LRRC8C: variants seen among roughly 807,000 people sequenced by gnomAD.
LRRC8C encodes leucine rich repeat containing 8 VRAC subunit C.
Under a neutral mutation model 55.3 loss-of-function variants are expected in LRRC8C, and 20 were observed. The observed-to-expected ratio is 0.36, with a 90% CI of 0.25 to 0.53. LRRC8C has a LOEUF of 0.53. Among genes scored for constraint, LRRC8C ranks in the 20% least tolerant of loss-of-function variants. The pLI is 0.92. For synonymous variants in LRRC8C, 376 were observed against 360.7 expected (o/e 1.04, Z -0.48); for missense variants, 659 against 951.4 (o/e 0.69, Z 4.04).
intron 1 of LRRC8C, among the ~76,000 whole-genome samples, chr1:89,646,843 A>G (rs1656627304): frequency 6.6e-6 from 1 of 152,154 alleles, no homozygotes; most frequent in Non-Finnish European, 1.5e-5. Flanking sequence ...TTGGGATTCC[A>G]TATTCTAAGG....
At chr1:89,634,140 T>A (rs1171037091) in intron 1 of LRRC8C, among the ~76,000 whole-genome samples, 1 of 152,212 alleles carries the variant, frequency 6.6e-6, no homozygotes, top group African/African-American at 2.4e-5. Context: ...AAACCTCGCA[T>A]CCTCCGTAGT....
At chr1:89,711,315 G>C (rs567279889) in intron 2 of LRRC8C, among the ~76,000 whole-genome samples, 2 of 152,190 alleles carry the variant, frequency 1.3e-5, no homozygotes, top group African/African-American at 4.8e-5. Flanking sequence ...TCACCAGCTC[G>C]TGGTCACCTT....
intron 2 of LRRC8C, among the ~76,000 whole-genome samples, chr1:89,710,364 T>C (rs976471878): frequency 5.3e-5 from 8 of 152,224 alleles, no homozygotes; most frequent in Non-Finnish European, 7.3e-5. Context: ...AGAAATATGA[T>C]GAATGCTCCA....
chr1:89,688,376 AAAAATAAGC>A (rs1346062708), intron 2 of LRRC8C, among the ~76,000 whole-genome samples: 1 of 152,250 alleles, frequency 6.6e-6, no homozygotes, highest in Non-Finnish European at 1.5e-5. Flanking sequence ...ATTCTATGGG[AAAAATAAGC>A]AAAATAAGCA....
In LRRC8C at chr1:89,714,156, T is replaced by C. The variant is rs760886028; in HGVS notation, c.1586T>C (p.Ile529Thr). Residue 529 changes from isoleucine (I) to threonine (T), a missense_variant, in exon 3 of 3, where the codon ATT becomes ACT. By Grantham distance (89) the Ile-to-Thr change is moderately conservative. Around this residue, in one of 5 missense-constraint regions of LRRC8C, gnomAD observed 344 missense variants for 464.6 expected, o/e 0.74. Transcript: ENST00000370454. The surrounding 1 kb of genome is among the most constrained non-coding windows in gnomAD (Gnocchi z 4.6). ...CTAGTTGGCTCTCTAAGTCATGATA[T>C]TTCCAGAAATGTCACCCTTGAGTCT... ...LYLVGSLSHD[I>T]SRNVTLESLR... is the part of the protein sequence containing the mutation. 1.2e-6 allele frequency: 2 copies of C among 1,614,016 alleles called. No homozygotes were observed. The highest frequency in any genetic ancestry group is 1.7e-6 in the Non-Finnish European group (2 of 1,180,028).
At chr1:89,641,730 A>G (rs951204995) in intron 1 of LRRC8C, among the ~76,000 whole-genome samples, 1 of 152,300 alleles carries the variant, frequency 6.6e-6, no homozygotes, top group East Asian at 1.9e-4. Flanking sequence ...TACAAGCACT[A>G]TTTATATAAA....
chr1:89,637,376 A>G (rs1414158107), intron 1 of LRRC8C, among the ~76,000 whole-genome samples: 2 of 151,588 alleles, frequency 1.3e-5, no homozygotes, highest in Admixed American at 1.3e-4. Context: ...CGTTGAAAAT[A>G]AAACTCATCA....
intron 2 of LRRC8C, among the ~76,000 whole-genome samples, chr1:89,691,356 C>G (rs1658023700): frequency 6.6e-6 from 1 of 152,136 alleles, no homozygotes; most frequent in Non-Finnish European, 1.5e-5. Flanking sequence ...AAGGGGAAAA[C>G]TCAGCATTAA....
rs1178995996 is a variant in LRRC8C, at chr1:89,717,219, A to AGT, written c.*2238_*2239insTG. The AGT allele has an allele frequency of 6.6e-6, 1 of 152,162 alleles. No homozygotes were observed. Among genetic ancestry groups the AGT allele is most frequent in the Non-Finnish European group, 1.5e-5 (1 of 68,024 alleles). The allele number at this position is 152,162 out of a possible 1,614,324, so 9.4% of individuals were successfully genotyped here. A position where few individuals can be genotyped will look rare whatever the true frequency, so the allele number is the denominator to read the frequency against. On this transcript the variant is annotated 3_prime_UTR_variant, in exon 3 of 3. Coordinates refer to ENST00000370454, the MANE Select transcript of LRRC8C (RefSeq NM_032270.5). ...GACAAAAATACCTCGTCGAAAGGCA[A>AGT]GCTTAGGTAACTGCTGGCAAAACAC...
At chr1:89,658,169 T>C (rs1169460895) in intron 1 of LRRC8C, among the ~76,000 whole-genome samples, 1 of 152,178 alleles carries the variant, frequency 6.6e-6, no homozygotes, top group Admixed American at 6.5e-5. Context: ...GTTTCTGGTA[T>C]TGGAGTTGTT....
Position 89,717,919 on chromosome 1 carries a change from A to G in LRRC8C, c.*2937A>G, listed in dbSNP as rs998940789. ...AGCACCATATGTGTTCTTAACTCCT[A>G]TGGCTGCTTGAAGCTCATGATGAAA... On this transcript the variant is annotated 3_prime_UTR_variant, in exon 3 of 3. Coordinates refer to ENST00000370454, the MANE Select transcript of LRRC8C (RefSeq NM_032270.5). 2.6e-5 allele frequency: 4 copies of G among 152,196 alleles called. No individual in the cohort carries two copies. Among genetic ancestry groups the G allele is most frequent in the African/African-American group, 9.6e-5 (4 of 41,456 alleles). The allele number at this position is 152,196 out of a possible 1,614,324, so 9.4% of individuals were successfully genotyped here.
At chr1:89,677,726 T>G (rs555214722) in intron 1 of LRRC8C, among the ~76,000 whole-genome samples, 1 of 152,328 alleles carries the variant, frequency 6.6e-6, no homozygotes, top group African/African-American at 2.4e-5. Context: ...TCCTAAAATT[T>G]TATAACCCAT....
chr1:89,630,410 A>G (rs1434836665), upstream of LRRC8C, among the ~76,000 whole-genome samples: 1 of 152,220 alleles, frequency 6.6e-6, no homozygotes, highest in South Asian at 2.1e-4. Flanking sequence ...AGCCCTGCAT[A>G]GCCCAGAAAT....
intron 1 of LRRC8C, among the ~76,000 whole-genome samples, chr1:89,671,044 C>CT (rs893580900): frequency 3.3e-5 from 5 of 151,992 alleles, no homozygotes; most frequent in African/African-American, 4.8e-5. Flanking sequence ...CACATATGCT[C>CT]TTTTTTTTCT....
At chr1:89,641,530 G>A (rs549347313) in intron 1 of LRRC8C, among the ~76,000 whole-genome samples, 2 of 152,218 alleles carry the variant, frequency 1.3e-5, no homozygotes, top group Non-Finnish European at 2.9e-5. Context: ...TTCACAAATA[G>A]GTTCTGTTGC....
intron 2 of LRRC8C, chr1:89,706,541 C>T (rs1658486876): frequency 3.0e-6 from 1 of 328,020 alleles, no homozygotes; most frequent in African/African-American, 2.2e-5. Flanking sequence ...AATATTATGA[C>T]TTAAAATAGT....
chr1:89,681,351 A>G (rs1240685000), intron 1 of LRRC8C, among the ~76,000 whole-genome samples: 1 of 152,220 alleles, frequency 6.6e-6, no homozygotes, highest in East Asian at 1.9e-4. Context: ...TTTTTTATTC[A>G]AGTCTTCCCT....
intron 1 of LRRC8C, among the ~76,000 whole-genome samples, chr1:89,655,173 T>A (rs1052271738): frequency 6.6e-6 from 1 of 152,184 alleles, no homozygotes; most frequent in Non-Finnish European, 1.5e-5. Context: ...CCCCGTCTGT[T>A]TTTTTTCTAC....
intron 1 of LRRC8C, among the ~76,000 whole-genome samples, chr1:89,651,133 A>G (rs1034496290): frequency 6.6e-6 from 1 of 152,230 alleles, no homozygotes; most frequent in African/African-American, 2.4e-5. Context: ...CAGGTCTCCA[A>G]GGGAGTTCTG....
Sources: gnomAD v4.1 joint callset for allele counts (sites outside exome capture counted in the v4.1 genomes callset) on GRCh38, gnomAD v4.1.1 for gene constraint, gnomAD v4.1.1 regional missense constraint, Gnocchi (gnomAD v3.1) non-coding constraint, MANE v1.5 for transcripts, NCBI Gene and HGNC (gene_info 2026-07-23, HGNC 2026-07-21) for gene names.